The following GRK2 variants were observed in gnomAD, a reference collection of about 807,000 sequenced individuals.
GRK2 encodes the protein G protein-coupled receptor kinase 2, also known as adrenergic beta receptor kinase 1.
GRK2 carries 23 observed loss-of-function variants against 97.8 expected under a neutral mutation model. The ratio of observed to expected loss-of-function variants is 0.24; its 90% CI spans 0.17 to 0.33. The LOEUF (loss-of-function observed/expected upper bound fraction) is 0.33, where lower values mean the gene tolerates loss of function less well. Ranked by LOEUF, GRK2 falls within the 10% of genes least tolerant of loss-of-function variation. GRK2 has a pLI of 1.00. For synonymous variants in GRK2, 425 were observed against 381.7 expected (o/e 1.11, Z -1.32); for missense variants, 633 against 956.9 (o/e 0.66, Z 4.47).
At chr11:67,284,014 C>A in intron 17 of GRK2, 65 bp downstream of exon 17, 1 of 1,477,042 alleles carries the variant, frequency 6.8e-7, no homozygotes, top group Non-Finnish European at 9.3e-7. Context: ...GGATCCCTCT[C>A]CCTTCTTATC....
intron 2 of GRK2, among the ~76,000 whole-genome samples, chr11:67,278,836 C>T (rs1860085815): frequency 6.6e-6 from 1 of 152,192 alleles, no homozygotes; most frequent in Non-Finnish European, 1.5e-5. Flanking sequence ...ATCGGCCTCA[C>T]AGAGCAGGCG....
chr11:67,266,658 G>A lies in GRK2; in HGVS notation c.-42G>A. On this transcript the variant is annotated 5_prime_UTR_variant, in exon 1 of 21. Transcript: ENST00000308595. Reference sequence around the variant, plus strand: ...GAGCGCCGAGCGAGCAGGAGCGGCGGCGGCGGCGGCGGCGGCGGGAGGAGG... The same window carrying A: ...GAGCGCCGAGCGAGCAGGAGCGGCGACGGCGGCGGCGGCGGCGGGAGGAGG... The A allele has an allele frequency of 1.1e-6, 1 of 942,344 alleles. No homozygotes were observed. Among genetic ancestry groups the A allele is most frequent in the Non-Finnish European group, 1.3e-6 (1 of 766,640 alleles). 58.4% of individuals were successfully genotyped at this position (942,344 alleles called of 1,614,324 possible).
chr11:67,272,647 C>T (rs1469285696), intron 1 of GRK2, among the ~76,000 whole-genome samples: 1 of 152,256 alleles, frequency 6.6e-6, no homozygotes, highest in Admixed American at 6.5e-5. Flanking sequence ...GGAGCTGGTG[C>T]AGGCCGCTGT....
rs1434289352 is a variant in GRK2 at position 67,285,157 on chromosome 11, G to A, written c.1874G>A (p.Arg625His). 13 of 1,613,470 alleles carry A rather than the reference G, an allele frequency of 8.1e-6. No homozygotes were observed. The highest frequency in any genetic ancestry group is 1.6e-4 in the Middle Eastern group (1 of 6,084). The change falls in exon 20 of 21, where the codon CGC becomes CAC. Residue 625 changes from arginine (R) to histidine (H), a missense_variant. This residue lies in a region of GRK2 where 180 missense variants were observed against 311.3 expected (regional missense o/e 0.58). Transcript: ENST00000308595. Reference sequence around the variant, plus strand: ...CGCAAGTGCCTGCTCCTCAAGATCCGCGGTGGGAAACAGTTCATTTTGCAG... The same window carrying A: ...CGCAAGTGCCTGCTCCTCAAGATCCACGGTGGGAAACAGTTCATTTTGCAG... ...KERKCLLLKI[R>H]GGKQFILQCD...
At position 67,281,420 on chromosome 11, in the gene GRK2, T is replaced by C; in HGVS notation, c.648-39T>C. On this transcript the variant is annotated intron_variant, in intron 8 of 20. Transcript: ENST00000308595. This position sits in a 1 kb window ranked among gnomAD's most constrained non-coding sequence, Gnocchi z 5.7. The stretch of plus-strand genomic sequence containing the variant: ...CCCTGAGGCAGCCCTGGGCCCCTGC[T>C]CTGAGGGTGGGTGTTGACTGCCGAC... 6.3e-7 allele frequency: 1 copy of C among 1,583,308 alleles called. No individual in the cohort carries two copies. Among genetic ancestry groups the C allele is most frequent in the Non-Finnish European group, 8.7e-7 (1 of 1,153,726 alleles).
chr11:67,283,419 G>GC, intron 15 of GRK2, 191 bp downstream of exon 15: 1 of 620,782 alleles, frequency 1.6e-6, no homozygotes, highest in Admixed American at 2.9e-5. Context: ...GCTGGAACCA[G>GC]CTAGTAACTG....
chr11:67,281,758 C>T lies in GRK2; in HGVS notation c.826+30C>T, dbSNP rs374493600. On this transcript the variant is annotated intron_variant, in intron 10 of 20. Transcript: ENST00000308595. This position sits in a 1 kb window ranked among gnomAD's most constrained non-coding sequence, Gnocchi z 5.7. Reference sequence around the variant, plus strand: ...GTGCTGGCCGGGCCCTAGGGTGGGCCGGGCCCAGGCACGGGAGGCTGGGGC... The same window carrying T: ...GTGCTGGCCGGGCCCTAGGGTGGGCTGGGCCCAGGCACGGGAGGCTGGGGC... 142 of 1,613,448 alleles carry T rather than the reference C, an allele frequency of 8.8e-5. No homozygotes were observed. Among genetic ancestry groups the T allele is most frequent in the Admixed American group, 3.0e-4 (18 of 59,994 alleles).
intron 1 of GRK2, among the ~76,000 whole-genome samples, chr11:67,268,618 TA>T (rs1233905950): frequency 6.6e-6 from 1 of 152,072 alleles, no homozygotes; most frequent in African/African-American, 2.4e-5. Flanking sequence ...TGCGTTCGGG[TA>T]ATCTCCCCCC....
chr11:67,281,037 GC>G lies in GRK2; in HGVS notation c.556-52del. 4 of 1,502,172 alleles carry G rather than the reference GC, an allele frequency of 2.7e-6. No individual in the cohort carries two copies. The highest frequency in any genetic ancestry group is 3.6e-6 in the Non-Finnish European group (4 of 1,099,616). The allele number at this position is 1,502,172 out of a possible 1,614,324, so 93.1% of individuals were successfully genotyped here. A position where few individuals can be genotyped will look rare whatever the true frequency, so the allele number is the denominator to read the frequency against. ...CAGCCCCTGCTGCCCAGGTGCCTCT[GC>G]CCCAGGGCTGGGCAGAGGCAGCCTG... is the stretch of plus-strand genomic sequence containing the variant. On this transcript the variant is annotated intron_variant, in intron 7 of 20. Coordinates refer to ENST00000308595, the MANE Select transcript of GRK2 (RefSeq NM_001619.5). This position sits in a 1 kb window ranked among gnomAD's most constrained non-coding sequence, Gnocchi z 5.7.
intron 1 of GRK2, among the ~76,000 whole-genome samples, chr11:67,273,561 C>T (rs1050656651): frequency 2.6e-5 from 4 of 152,190 alleles, no homozygotes; most frequent in East Asian, 1.9e-4. Flanking sequence ...GTTCCCTTGG[C>T]GGCCAGACCC....
chr11:67,286,423 C>T lies in GRK2; in HGVS notation c.*973C>T, dbSNP rs1193422396. 8.6e-6 allele frequency: 6 copies of T among 695,708 alleles called. No homozygotes were observed. The highest frequency in any genetic ancestry group is 5.4e-5 in the East Asian group (2 of 36,962). 43.1% of individuals were successfully genotyped at this position (695,708 alleles called of 1,614,324 possible). ...CTGCCTGTGTGGTGTCGCGCCTTCTCCCCCCCGGGGCTGGGTTGGCGCACC... is the reference window on the plus strand; with the variant it reads ...CTGCCTGTGTGGTGTCGCGCCTTCTTCCCCCCGGGGCTGGGTTGGCGCACC... On this transcript the variant is annotated 3_prime_UTR_variant, in exon 21 of 21. Transcript: ENST00000308595.
Position 67,283,225 on chromosome 11 carries a change from G to A in GRK2, c.1325G>A (p.Arg442Gln), listed in dbSNP as rs372392743. 3.2e-5 allele frequency: 52 copies of A among 1,613,302 alleles called. No individual in the cohort carries two copies. The highest frequency in any genetic ancestry group is 5.3e-5 in the African/African-American group (4 of 74,922). Residue 442 changes from arginine to glutamine, a missense_variant, in exon 15 of 21, where the codon CGA becomes CAA. Around this residue, in one of 4 missense-constraint regions of GRK2, gnomAD observed 68 missense variants for 71.0 expected, o/e 0.96. Transcript: ENST00000308595. ...DVNRRLGCLG[R>Q]GAQEVKESPF... is the part of the protein sequence containing the mutation. ...AACCGGAGATTGGGCTGCCTGGGCC[G>A]AGGGTGAGTACCCTGGCGCCTTGGG...
rs774110223 is a variant in GRK2 at position 67,283,925 on chromosome 11, TGAG to T, written c.1473_1475del (p.Glu491del). ...ACGCCTTCGACATTGGCTCCTTCGA[TGAG>T]GAGGACACAAAAGGAATCAAGGTAC... is the stretch of plus-strand genomic sequence containing the variant. On this transcript the variant is annotated inframe_deletion, in exon 17 of 21. Transcript: ENST00000308595. The T allele has an allele frequency of 1.9e-6, 3 of 1,612,116 alleles. No individual in the cohort carries two copies. Among genetic ancestry groups the T allele is most frequent in the Admixed American group, 3.3e-5 (2 of 59,874 alleles).
chr11:67,282,860 G>A lies in GRK2; in HGVS notation c.1227+42G>A. The A allele has an allele frequency of 1.9e-6, 3 of 1,575,312 alleles. No homozygotes were observed. Among genetic ancestry groups the A allele is most frequent in the South Asian group, 2.3e-5 (2 of 88,526 alleles). On this transcript the variant is annotated intron_variant, in intron 14 of 20. Transcript: ENST00000308595. The surrounding 1 kb of genome is among the most constrained non-coding windows in gnomAD (Gnocchi z 6.9). The stretch of plus-strand genomic sequence containing the variant: ...GTGCAGGGCCGCAGGGGGCTGGGGG[G>A]AGCTCCTGTGGGTGCCAGGCCATGA...
Position 67,281,230 on chromosome 11 carries a change from T to C in GRK2, c.647+46T>C. The C allele has an allele frequency of 6.5e-7, 1 of 1,545,720 alleles. No homozygotes were observed. The highest frequency in any genetic ancestry group is 8.9e-7 in the Non-Finnish European group (1 of 1,125,414). ...GGTGGGATACCTCGGGGAGCCGGGC[T>C]CCTGGGGGACCCTGACAGGCCGGGT... On this transcript the variant is annotated intron_variant, in intron 8 of 20. Transcript: ENST00000308595. This position sits in a 1 kb window ranked among gnomAD's most constrained non-coding sequence, Gnocchi z 5.7.
intron 1 of GRK2, among the ~76,000 whole-genome samples, chr11:67,270,331 AGATTGTCG>A (rs1233471545): frequency 6.6e-6 from 1 of 152,020 alleles, no homozygotes. Flanking sequence ...CCCCAGCAGC[AGATTGTCG>A]GAGCTGGGTG....
Position 67,282,549 on chromosome 11 carries a change from G to A in GRK2, c.1160+7G>A, listed in dbSNP as rs1401591810. ...TCTTCAAGTTGCTGCGGGGGTGAGTGGCCCATCCCAGGTGGGCAGGTGGGT... is the reference window on the plus strand; with the variant it reads ...TCTTCAAGTTGCTGCGGGGGTGAGTAGCCCATCCCAGGTGGGCAGGTGGGT... On this transcript the variant is annotated splice_region_variant and intron_variant, in intron 13 of 20. Coordinates refer to ENST00000308595, the MANE Select transcript of GRK2 (RefSeq NM_001619.5). The surrounding 1 kb of genome is among the most constrained non-coding windows in gnomAD (Gnocchi z 6.9). 1 of 1,612,612 alleles carries A rather than the reference G, an allele frequency of 6.2e-7. No individual in the cohort carries two copies. The highest frequency in any genetic ancestry group is 8.5e-7 in the Non-Finnish European group (1 of 1,179,386).
Position 67,281,930 on chromosome 11 carries a change from T to A in GRK2, c.935T>A (p.Phe312Tyr). 6.2e-7 allele frequency: 1 copy of A among 1,613,130 alleles called. No homozygotes were observed. Among genetic ancestry groups the A allele is most frequent in the South Asian group, 1.1e-5 (1 of 91,058 alleles). Residue 312 changes from phenylalanine (F) to tyrosine (Y), a missense_variant, in exon 11 of 21, where the codon TTC (phenylalanine) becomes TAC (tyrosine). Transcript: ENST00000308595. The surrounding 1 kb of genome is among the most constrained non-coding windows in gnomAD (Gnocchi z 5.7). ...ILGLEHMHNR[F>Y]VVYRDLKPAN... ...GGCCTGGAGCACATGCACAACCGCT[T>A]CGTGGTCTACCGGGACCTGAAGGTG...
chr11:67,275,575 T>G (rs1860012469), intron 1 of GRK2, among the ~76,000 whole-genome samples: 1 of 150,196 alleles, frequency 6.7e-6, no homozygotes, highest in South Asian at 2.1e-4. Flanking sequence ...GGACCAAGCC[T>G]CCTGAGTCCT....
Sources: allele counts gnomAD v4.1 joint callset (sites outside exome capture counted in the v4.1 genomes callset), GRCh38; gene constraint gnomAD v4.1.1; regional missense constraint gnomAD v4.1.1; non-coding constraint Gnocchi (gnomAD v3.1); transcripts MANE v1.5; gene names NCBI Gene and HGNC (gene_info 2026-07-23, HGNC 2026-07-21).